The following CSMD1 variants were observed in gnomAD, a reference collection of about 807,000 sequenced individuals.
CSMD1 encodes the protein CUB and Sushi multiple domains 1, also known as CUB and sushi domain-containing protein 1.
In CSMD1, 213 loss-of-function variants were observed where a neutral mutation model predicts 417.5. The observed-to-expected ratio is 0.51, with a 90% confidence interval of 0.46 to 0.57. The LOEUF (loss-of-function observed/expected upper bound fraction) is 0.57, where lower values mean the gene tolerates loss of function less well. Among genes scored for constraint, CSMD1 ranks in the 20% least tolerant of loss-of-function variants. CSMD1 has a pLI of 0.00. For synonymous variants in CSMD1, 2,862 were observed against 1,736.8 expected (o/e 1.65, Z -16.11); for missense variants, 6,923 against 4,529.7 (o/e 1.53, Z -15.17).
chr8:4,448,065 C>T (rs150017854), intron 2 of CSMD1, among the ~76,000 whole-genome samples: 85 of 152,302 alleles, frequency 5.6e-4, no homozygotes, highest in African/African-American at 1.9e-3. Flanking sequence ...CACCCCTAAG[C>T]TTAGCTGTCC....
intron 2 of CSMD1, among the ~76,000 whole-genome samples, chr8:4,621,895 G>A (rs1351906078): frequency 6.6e-6 from 1 of 151,870 alleles, no homozygotes; most frequent in African/African-American, 2.4e-5. Context: ...CTAATTCAAT[G>A]TAATTGAACA....
At chr8:4,301,416 G>A (rs999514542) in intron 3 of CSMD1, among the ~76,000 whole-genome samples, 6 of 152,176 alleles carry the variant, frequency 3.9e-5, no homozygotes, top group Non-Finnish European at 8.8e-5. Flanking sequence ...GGATGGTACT[G>A]GGAAAGATAT....
intron 3 of CSMD1, among the ~76,000 whole-genome samples, chr8:4,272,696 G>A (rs905425217): frequency 1.3e-5 from 2 of 152,104 alleles, no homozygotes; most frequent in African/African-American, 2.4e-5. Flanking sequence ...ATATTTGGAA[G>A]ACTGTACATT....
At chr8:4,583,157 CAT>C (rs1799520497) in intron 2 of CSMD1, among the ~76,000 whole-genome samples, 1 of 152,186 alleles carries the variant, frequency 6.6e-6, no homozygotes, top group Admixed American at 6.5e-5. Flanking sequence ...CAACGAGCAC[CAT>C]CCTCTGCTCC....
chr8:3,242,500 T>G (rs1439383958), intron 26 of CSMD1, among the ~76,000 whole-genome samples: 1 of 152,066 alleles, frequency 6.6e-6, no homozygotes, highest in African/African-American at 2.4e-5. Flanking sequence ...ATGCCAAGAA[T>G]TATTTAGATC....
chr8:4,470,017 G>A (rs988168418), intron 2 of CSMD1, among the ~76,000 whole-genome samples: 3 of 151,958 alleles, frequency 2.0e-5, no homozygotes, highest in East Asian at 1.9e-4. Flanking sequence ...ACAGGCGCCC[G>A]CTAACATGCC....
chr8:4,314,711 C>G (rs1180631377), intron 3 of CSMD1, among the ~76,000 whole-genome samples: 1 of 152,088 alleles, frequency 6.6e-6, no homozygotes, highest in Non-Finnish European at 1.5e-5. Context: ...TGTGTTCTTA[C>G]GTACACACAT....
At chr8:3,459,782 A>G (rs987291242) in intron 12 of CSMD1, among the ~76,000 whole-genome samples, 6 of 152,178 alleles carry the variant, frequency 3.9e-5, no homozygotes, top group Non-Finnish European at 8.8e-5. Context: ...TCCAGGAATC[A>G]GAGCAGCATC....
At chr8:4,248,995 A>G (rs911419176) in intron 3 of CSMD1, among the ~76,000 whole-genome samples, 3 of 152,206 alleles carry the variant, frequency 2.0e-5, no homozygotes, top group Non-Finnish European at 4.4e-5. Flanking sequence ...AACAAACACT[A>G]GACCATGTAT....
At chr8:3,730,554 A>G (rs1395386195) in intron 6 of CSMD1, among the ~76,000 whole-genome samples, 1 of 151,996 alleles carries the variant, frequency 6.6e-6, no homozygotes, top group African/African-American at 2.4e-5. Context: ...GGAAAGTGCT[A>G]CCGCCAATGA....
chr8:3,493,022 G>C (rs964406114), intron 11 of CSMD1, among the ~76,000 whole-genome samples: 4 of 152,114 alleles, frequency 2.6e-5, no homozygotes, highest in Non-Finnish European at 5.9e-5. Flanking sequence ...GCTGGGTGCG[G>C]TGGTTCACAC....
intron 5 of CSMD1, among the ~76,000 whole-genome samples, chr8:3,931,342 ACTCT>A (rs889553978): frequency 1.0e-4 from 15 of 149,800 alleles, no homozygotes; most frequent in Admixed American, 1.3e-4. Context: ...GAAAAGGGCC[ACTCT>A]CTCTCCCTCC....
intron 12 of CSMD1, among the ~76,000 whole-genome samples, chr8:3,428,848 A>C (rs1814023518): frequency 6.6e-6 from 1 of 152,180 alleles, no homozygotes; most frequent in Non-Finnish European, 1.5e-5. Context: ...GTGGAATACT[A>C]TTTGGTCATA....
At chr8:3,636,763 G>A (rs753112657) in intron 7 of CSMD1, among the ~76,000 whole-genome samples, 2 of 152,172 alleles carry the variant, frequency 1.3e-5, no homozygotes, top group Non-Finnish European at 2.9e-5. Flanking sequence ...GTAAGGCAGA[G>A]AGGTTCTCCT....
intron 3 of CSMD1, among the ~76,000 whole-genome samples, chr8:4,368,376 G>A (rs1196343581): frequency 6.6e-6 from 1 of 152,018 alleles, no homozygotes; most frequent in Non-Finnish European, 1.5e-5. Flanking sequence ...ATCTGCTGCT[G>A]GATTCAGTTT....
chr8:4,072,844 C>A (rs903870271), intron 3 of CSMD1, among the ~76,000 whole-genome samples: 4 of 152,150 alleles, frequency 2.6e-5, no homozygotes, highest in Non-Finnish European at 4.4e-5. Flanking sequence ...TTTTCCACTA[C>A]AACAATTTAG....
chr8:4,654,833 T>G (rs1035852558), intron 1 of CSMD1, among the ~76,000 whole-genome samples: 1 of 152,042 alleles, frequency 6.6e-6, no homozygotes, highest in Non-Finnish European at 1.5e-5. Context: ...GGAACTCTAT[T>G]TTAAAGACAA....
chr8:3,256,050 G>T (rs192804277), intron 26 of CSMD1, among the ~76,000 whole-genome samples: 2 of 152,108 alleles, frequency 1.3e-5, no homozygotes, highest in Admixed American at 6.5e-5. Flanking sequence ...TGACTGAGCC[G>T]GGTGAGGTGG....
At chr8:4,168,803 T>A (rs1371832402) in intron 3 of CSMD1, among the ~76,000 whole-genome samples, 1 of 152,168 alleles carries the variant, frequency 6.6e-6, no homozygotes, top group Non-Finnish European at 1.5e-5. Flanking sequence ...CCTTTCATTT[T>A]CCTTTGAACT....
Sources: gnomAD v4.1 joint callset for allele counts (sites outside exome capture counted in the v4.1 genomes callset) on GRCh38, gnomAD v4.1.1 for gene constraint, MANE v1.5 for transcripts, NCBI Gene and HGNC (gene_info 2026-07-23, HGNC 2026-07-21) for gene names.